Variants in RANBP3 observed in about 807,000 individuals in gnomAD.
RANBP3 encodes ran-binding protein 3.
A neutral mutation model predicts 77.3 loss-of-function variants in RANBP3; 14 were observed. That is an observed-to-expected ratio of 0.18 (90% CI 0.12 to 0.28). RANBP3 has a LOEUF of 0.28. Ranked by LOEUF, RANBP3 falls within the 10% of genes least tolerant of loss-of-function variation. The probability of loss-of-function intolerance (pLI) is 1.00; values close to 1 mark genes in which losing one functional copy is unlikely to be tolerated. For missense variants in RANBP3, 586 were observed against 752.3 expected (o/e 0.78, Z 2.59); for synonymous variants, 315 against 312.4 (o/e 1.01, Z -0.09).
chr19:5,940,389 C>T (rs1224004442), intron 5 of RANBP3, among the ~76,000 whole-genome samples: 1 of 152,170 alleles, frequency 6.6e-6, no homozygotes, highest in Non-Finnish European at 1.5e-5. Flanking sequence ...TGCAAAGATC[C>T]TTAAATTAAA....
At chr19:5,969,121 C>T (rs1479300409) in intron 1 of RANBP3, among the ~76,000 whole-genome samples, 2 of 152,112 alleles carry the variant, frequency 1.3e-5, no homozygotes, top group Non-Finnish European at 2.9e-5. Flanking sequence ...GGGAGGAGAA[C>T]GGGAAGGGCT....
At chr19:5,962,612 T>C in intron 1 of RANBP3, 1 of 455,108 alleles carries the variant, frequency 2.2e-6, no homozygotes, top group South Asian at 1.6e-5. Flanking sequence ...ACTTGGCCCA[T>C]CTCGGCCCAT....
intron 1 of RANBP3, among the ~76,000 whole-genome samples, chr19:5,962,163 CCT>C (rs988509487): frequency 4.6e-5 from 7 of 151,910 alleles, no homozygotes; most frequent in Admixed American, 3.3e-4. Context: ...TGAACTAGGC[CCT>C]CTCTCTGTCA....
At chr19:5,962,710 A>C in intron 1 of RANBP3, 1 of 456,028 alleles carries the variant, frequency 2.2e-6, no homozygotes, top group Non-Finnish European at 4.4e-6. Flanking sequence ...TCACATCTGC[A>C]CCCAAAACAC....
At chr19:5,925,055 G>A (rs534257297) in intron 10 of RANBP3, 150 bp from the exon 11 acceptor site, 1 of 737,458 alleles carries the variant, frequency 1.4e-6, no homozygotes, top group Admixed American at 2.0e-5. Flanking sequence ...GAGGCAGGAA[G>A]CCACACACCT....
chr19:5,924,342 T>C lies in RANBP3; in HGVS notation c.997-428A>G, dbSNP rs1313289543. Among the ~76,000 whole-genome samples, 21 of 152,174 alleles carry C rather than the reference T, an allele frequency of 1.4e-4. No homozygotes were observed. Among genetic ancestry groups the C allele is most frequent in the Non-Finnish European group, 1.5e-5 (1 of 67,992 alleles). ...AGAAAAAGGAACATGTGTAAAGAGG[T>C]AGGCAAACCATTCTAGAACCCTCTC... is the stretch of plus-strand genomic sequence containing the variant. On this transcript the variant is annotated intron_variant, in intron 11 of 16. Coordinates refer to ENST00000340578, the MANE Select transcript of RANBP3 (RefSeq NM_007322.3). This position sits in a 1 kb window ranked among gnomAD's most constrained non-coding sequence, Gnocchi z 4.7.
In RANBP3 at chr19:5,916,927, G is replaced by C. The variant is rs1255332099; in HGVS notation, c.*683C>G. On this transcript the variant is annotated 3_prime_UTR_variant, in exon 17 of 17. Transcript: ENST00000340578. ...AACCTCAGAGGCCAGAACCACAGGT[G>C]GGGGACAGGGACCTCGACAGAGCTG... 4 of 152,386 alleles carry C rather than the reference G, an allele frequency of 2.6e-5. No individual in the cohort carries two copies. The highest frequency in any genetic ancestry group is 9.7e-5 in the African/African-American group (4 of 41,446). The allele number at this position is 152,386 out of a possible 1,614,324, so 9.4% of individuals were successfully genotyped here.
chr19:5,931,232 G>C (rs1465089774), intron 8 of RANBP3, among the ~76,000 whole-genome samples, 172 bp downstream of exon 8: 1 of 152,204 alleles, frequency 6.6e-6, no homozygotes, highest in Non-Finnish European at 1.5e-5. Context: ...GGTTTGTCAG[G>C]TACTGTTATT....
intron 3 of RANBP3, among the ~76,000 whole-genome samples, chr19:5,948,676 G>A (rs961801276): frequency 6.6e-6 from 1 of 152,138 alleles, no homozygotes; most frequent in African/African-American, 2.4e-5. Context: ...CAAGTGAGAG[G>A]TGGCTTCCAA....
chr19:5,956,165 G>C (rs2058332869), intron 2 of RANBP3, among the ~76,000 whole-genome samples: 1 of 152,186 alleles, frequency 6.6e-6, no homozygotes, highest in Non-Finnish European at 1.5e-5. Context: ...AAAAAACACA[G>C]GTGGCAGTGC....
At chr19:5,973,501 G>A (rs997955145) in intron 1 of RANBP3, among the ~76,000 whole-genome samples, 1 of 152,154 alleles carries the variant, frequency 6.6e-6, no homozygotes, top group Non-Finnish European at 1.5e-5. Flanking sequence ...AGTGCACAGC[G>A]CAATCGCCCA....
chr19:5,922,376 A>G (rs2057833369), intron 13 of RANBP3, among the ~76,000 whole-genome samples: 1 of 152,226 alleles, frequency 6.6e-6, no homozygotes. Context: ...TAAGAACGCC[A>G]CGATACGCCA....
chr19:5,965,973 G>A (rs890892552), intron 1 of RANBP3: 6 of 152,208 alleles, frequency 3.9e-5, no homozygotes, highest in African/African-American at 1.2e-4. Flanking sequence ...TGTCGGAGGT[G>A]GGCCCGGGTC....
At chr19:5,928,250 C>T (rs1465097995) in intron 8 of RANBP3, 163 bp from the exon 9 acceptor site, 1 of 806,798 alleles carries the variant, frequency 1.2e-6, no homozygotes, top group Admixed American at 3.1e-5. Flanking sequence ...ACTGCTTGAG[C>T]CTGGGAGTTG....
rs1378401600 is a variant in RANBP3, at chr19:5,959,536, A to G, written c.23-1563T>C. Among the ~76,000 whole-genome samples the G allele has an allele frequency of 1.3e-5, 2 of 151,880 alleles. No individual in the cohort carries two copies. Among genetic ancestry groups the G allele is most frequent in the Non-Finnish European group, 2.9e-5 (2 of 67,974 alleles). ...AACACTGGAGTGAGTGGCGTGCGCG[A>G]GACCCAGGGGCTACAAGGGAGCAGG... On this transcript the variant is annotated intron_variant, in intron 1 of 16. Coordinates refer to ENST00000340578, the MANE Select transcript of RANBP3 (RefSeq NM_007322.3). This position sits in a 1 kb window ranked among gnomAD's most constrained non-coding sequence, Gnocchi z 5.1.
rs1447657194 is a variant in RANBP3, at chr19:5,932,488, A to G, written c.529T>C (p.Leu177=). 1 of 1,613,866 alleles carries G rather than the reference A, an allele frequency of 6.2e-7. No homozygotes were observed. The change falls in exon 7 of 17, where the codon TTA becomes CTA. Residue 177 remains leucine, a synonymous_variant. Transcript: ENST00000340578. ...AGCGCCTTTGGCTGCGGAGCTTGTAACACTGCCGGGCGAAGCACGCTCCGC... is the reference window on the plus strand; with the variant it reads ...AGCGCCTTTGGCTGCGGAGCTTGTAGCACTGCCGGGCGAAGCACGCTCCGC... ...QQRSVLRPAV[L]QAPQPKALSQ...
At chr19:5,966,753 C>T (rs923762426) in intron 1 of RANBP3, among the ~76,000 whole-genome samples, 6 of 152,192 alleles carry the variant, frequency 3.9e-5, no homozygotes, top group East Asian at 1.9e-4. Flanking sequence ...TCTGTTTATT[C>T]GCCTCCTGAC....
At chr19:5,935,672 C>T (rs1437687464) in intron 5 of RANBP3, 10 of 455,828 alleles carry the variant, frequency 2.2e-5, no homozygotes, top group Non-Finnish European at 4.0e-5. Flanking sequence ...CTTGGATAAT[C>T]CCTGCCACCG....
At position 5,921,494 on chromosome 19, in the gene RANBP3, G is replaced by A. The variant is rs1425413389; in HGVS notation, c.1210-173C>T. Among the ~76,000 whole-genome samples the A allele has an allele frequency of 1.3e-5, 2 of 152,206 alleles. No homozygotes were observed. Among genetic ancestry groups the A allele is most frequent in the African/African-American group, 4.8e-5 (2 of 41,438 alleles). Reference sequence around the variant, plus strand: ...CTCAAGCTAGAACAGGCTTTACATTGTATAAGGGGTATCTGAAATTAAAAG... The same window carrying A: ...CTCAAGCTAGAACAGGCTTTACATTATATAAGGGGTATCTGAAATTAAAAG... On this transcript the variant is annotated intron_variant, in intron 13 of 16. Transcript: ENST00000340578. This position sits in a 1 kb window ranked among gnomAD's most constrained non-coding sequence, Gnocchi z 5.3.
Sources: gnomAD v4.1 joint callset for allele counts (sites outside exome capture counted in the v4.1 genomes callset) on GRCh38, gnomAD v4.1.1 for gene constraint, Gnocchi (gnomAD v3.1) non-coding constraint, MANE v1.5 for transcripts, NCBI Gene and HGNC (gene_info 2026-07-23, HGNC 2026-07-21) for gene names.